CPNE4: variants seen among roughly 807,000 people sequenced by gnomAD.
CPNE4 encodes copine 4.
CPNE4 carries 25 observed loss-of-function variants against 67.9 expected under a neutral mutation model. That is an observed-to-expected ratio of 0.37 (90% confidence interval 0.27 to 0.51). CPNE4 has a LOEUF of 0.51. Among genes scored for constraint, CPNE4 ranks in the 20% least tolerant of loss-of-function variants. The probability of loss-of-function intolerance (pLI) is 0.93; values close to 1 mark genes in which losing one functional copy is unlikely to be tolerated. For synonymous variants in CPNE4, 242 were observed against 244.9 expected (o/e 0.99, Z 0.11); for missense variants, 464 against 690.8 (o/e 0.67, Z 3.68).
At chr3:131,899,750 T>C (rs748859451) in intron 2 of CPNE4, among the ~76,000 whole-genome samples, 1 of 152,152 alleles carries the variant, frequency 6.6e-6, no homozygotes, top group Non-Finnish European at 1.5e-5. Flanking sequence ...TTAATATTGC[T>C]TGTCCCATTT....
At chr3:131,635,804 G>A (rs35518963) in intron 7 of CPNE4, among the ~76,000 whole-genome samples, 4,347 of 152,146 alleles carry the variant, frequency 0.029, 98 homozygotes, top group Middle Eastern at 0.044. Context: ...GACTTATACC[G>A]TGAACTTTTG....
chr3:131,834,436 A>G (rs1179188606), intron 2 of CPNE4, among the ~76,000 whole-genome samples: 1 of 152,202 alleles, frequency 6.6e-6, no homozygotes, highest in Non-Finnish European at 1.5e-5. Context: ...TTAAATTTCA[A>G]TAGATGATTT....
chr3:131,763,303 G>T (rs939456678), intron 2 of CPNE4, among the ~76,000 whole-genome samples: 2 of 152,240 alleles, frequency 1.3e-5, no homozygotes, highest in Admixed American at 1.3e-4. Context: ...TGATGCAGCT[G>T]ATCTGCAGTG....
At chr3:131,863,295 CA>C (rs2086775317) in intron 2 of CPNE4, among the ~76,000 whole-genome samples, 1 of 152,164 alleles carries the variant, frequency 6.6e-6, no homozygotes, top group South Asian at 2.1e-4. Flanking sequence ...CTGACTTCCA[CA>C]ATGGTTGAAC....
chr3:131,904,678 T>C (rs2107773857), intron 2 of CPNE4, among the ~76,000 whole-genome samples: 1 of 152,202 alleles, frequency 6.6e-6, no homozygotes, highest in South Asian at 2.1e-4. Flanking sequence ...GCCCCTCTAC[T>C]GCAGACAGAG....
At chr3:131,742,650 TAA>T (rs2082386990) in intron 2 of CPNE4, among the ~76,000 whole-genome samples, 1 of 151,798 alleles carries the variant, frequency 6.6e-6, no homozygotes, top group African/African-American at 2.4e-5. Flanking sequence ...GTAAAATCAA[TAA>T]AGTTAAAACC....
In CPNE4 at chr3:131,993,472, C is replaced by CAAAAAAAAAAAAAAAAA. The variant is rs58116331; in HGVS notation, c.-2+41078_-2+41094dup. 8.4e-4 allele frequency among the ~76,000 whole-genome samples: 51 copies of CAAAAAAAAAAAAAAAAA among 60,454 alleles called. 4 individuals carry two copies. Among genetic ancestry groups the CAAAAAAAAAAAAAAAAA allele is most frequent in the African/African-American group, 2.6e-3 (47 of 18,302 alleles). The allele number at this position is 60,454 out of a possible 152,430, so 39.7% of individuals were successfully genotyped here. A position where few individuals can be genotyped will look rare whatever the true frequency, so the allele number is the denominator to read the frequency against. Reference sequence around the variant, plus strand: ...ACCCTGATTTCGTGTGCAGGAGTGGCAAAAAAAAAAAAAAAAAGCATAGCT... The same window carrying CAAAAAAAAAAAAAAAAA: ...ACCCTGATTTCGTGTGCAGGAGTGGCAAAAAAAAAAAAAAAAAAAAAAAAAAAAAAAAAAGCATAGCT... On this transcript the variant is annotated intron_variant, in intron 1 of 15. Transcript: ENST00000429747.
At chr3:132,011,780 T>C (rs1162134565) in intron 1 of CPNE4, among the ~76,000 whole-genome samples, 1 of 152,216 alleles carries the variant, frequency 6.6e-6, no homozygotes, top group African/African-American at 2.4e-5. Context: ...AAGAAACATA[T>C]ACCACAGCTT....
chr3:131,615,242 A>G (rs1368000245), intron 7 of CPNE4, among the ~76,000 whole-genome samples: 3 of 152,206 alleles, frequency 2.0e-5, no homozygotes, highest in Non-Finnish European at 2.9e-5. Context: ...CAAATACCGT[A>G]AGATTGCTGT....
At chr3:131,768,353 T>A (rs1256734649) in intron 2 of CPNE4, among the ~76,000 whole-genome samples, 1 of 152,124 alleles carries the variant, frequency 6.6e-6, no homozygotes, top group Non-Finnish European at 1.5e-5. Context: ...TGAAAAAATA[T>A]TCTATCGGCA....
intron 6 of CPNE4, among the ~76,000 whole-genome samples, chr3:131,670,762 T>C (rs958141935): frequency 6.6e-6 from 1 of 152,166 alleles, no homozygotes; most frequent in African/African-American, 2.4e-5. Context: ...AATTCTGTCA[T>C]ATTGATTTTT....
intron 7 of CPNE4, among the ~76,000 whole-genome samples, chr3:131,626,263 G>A (rs1003752360): frequency 1.9e-4 from 29 of 152,142 alleles, no homozygotes; most frequent in African/African-American, 6.8e-4. Context: ...GGTGGGGAAG[G>A]CAAGTCAAAA....
rs150788293 is a variant in CPNE4 at position 131,663,906 on chromosome 3, C to G, written c.681+5769G>C. ...TTCTTCTCTTCTGCCATTTCCTTTA[C>G]TGCACCATGGGCTCAGTTAATAACC... On this transcript the variant is annotated intron_variant, in intron 7 of 15. Transcript: ENST00000429747. 1.2e-3 allele frequency among the ~76,000 whole-genome samples: 181 copies of G among 152,288 alleles called. 2 individuals carry two copies. The highest frequency in any genetic ancestry group is 4.3e-3 in the African/African-American group (178 of 41,556).
chr3:131,945,227 G>A (rs577882942), intron 1 of CPNE4, among the ~76,000 whole-genome samples: 2 of 152,074 alleles, frequency 1.3e-5, no homozygotes, highest in Admixed American at 6.6e-5. Context: ...CTCAAAACCT[G>A]GTAACAAAAA....
chr3:131,782,801 T>A (rs2083460563), intron 2 of CPNE4, among the ~76,000 whole-genome samples: 1 of 152,134 alleles, frequency 6.6e-6, no homozygotes, highest in African/African-American at 2.4e-5. Context: ...ATAAAATCCA[T>A]CTCTTCTCAG....
chr3:131,864,280 T>C (rs913667028), intron 2 of CPNE4, among the ~76,000 whole-genome samples: 69 of 151,882 alleles, frequency 4.5e-4, no homozygotes, highest in African/African-American at 1.5e-3. Flanking sequence ...GCATTGAATC[T>C]ATAAATTACC....
rs747931204 is a variant in CPNE4 at position 131,669,649 on chromosome 3, A to G, written c.681+26T>C. On this transcript the variant is annotated intron_variant, in intron 7 of 15. Coordinates refer to ENST00000429747, the MANE Select transcript of CPNE4 (RefSeq NM_130808.3). ...GATTAAATACTTTTTTTAAAAAATC[A>G]CATTTCTTGGACACAGATTTCTGAC... 5 of 1,542,200 alleles carry G rather than the reference A, an allele frequency of 3.2e-6. No individual in the cohort carries two copies. The African/African-American group carries it at 4.2e-5, about 13-fold the overall frequency.
intron 1 of CPNE4, among the ~76,000 whole-genome samples, chr3:131,962,385 AT>A (rs2072208045): frequency 6.6e-6 from 1 of 152,202 alleles, no homozygotes; most frequent in East Asian, 1.9e-4. Flanking sequence ...TTCACTCAGT[AT>A]TTGAACTTCT....
At chr3:131,654,012 A>G (rs529255857) in intron 7 of CPNE4, among the ~76,000 whole-genome samples, 107 of 152,314 alleles carry the variant, frequency 7.0e-4, no homozygotes, top group Non-Finnish European at 1.4e-3. Flanking sequence ...TGCACATTAT[A>G]ATCACCTTGG....
Sources: allele counts gnomAD v4.1 joint callset (sites outside exome capture counted in the v4.1 genomes callset), GRCh38; gene constraint gnomAD v4.1.1; transcripts MANE v1.5; gene names NCBI Gene and HGNC (gene_info 2026-07-23, HGNC 2026-07-21).